Variants in SOX6 observed in about 807,000 individuals in gnomAD.
The protein encoded by SOX6 is transcription factor SOX-6.
In SOX6, 11 loss-of-function variants were observed where a neutral mutation model predicts 97.8. The ratio of observed to expected loss-of-function variants is 0.11; its 90% CI spans 0.07 to 0.19. SOX6 has a LOEUF of 0.19. Among genes scored for constraint, SOX6 ranks in the 10% least tolerant of loss-of-function variants. The pLI, the probability that SOX6 is intolerant of heterozygous loss-of-function variation, is 1.00. For missense variants in SOX6, 810 were observed against 1,039.5 expected, an observed-to-expected ratio of 0.78 and a Z score of 3.04; for synonymous variants, 360 against 371.4, an observed-to-expected ratio of 0.97 and a Z score of 0.35.
At chr11:16,293,811 A>G (rs1854986675) in intron 3 of SOX6, among the ~76,000 whole-genome samples, 1 of 152,042 alleles carries the variant, frequency 6.6e-6, no homozygotes, top group Admixed American at 6.6e-5. Flanking sequence ...TATTTCTCAT[A>G]TCCAAGATTA....
At chr11:16,519,979 T>G (rs1271559832) in intron 4 of SOX6, among the ~76,000 whole-genome samples, 1 of 152,252 alleles carries the variant, frequency 6.6e-6, no homozygotes, top group Non-Finnish European at 1.5e-5. Context: ...ATGTATTTTT[T>G]GGCCACTTAC....
chr11:16,726,332 G>A (rs964499905), intron 2 of SOX6, among the ~76,000 whole-genome samples: 7 of 152,166 alleles, frequency 4.6e-5, no homozygotes, highest in South Asian at 2.1e-4. Flanking sequence ...CACAAGAATC[G>A]CTTGAACCCA....
intron 9 of SOX6, among the ~76,000 whole-genome samples, chr11:16,070,557 C>A (rs1848199399): frequency 6.6e-6 from 1 of 152,090 alleles, no homozygotes; most frequent in Non-Finnish European, 1.5e-5. Context: ...AGATGGTAGA[C>A]TAGAAGCAGC....
intron 3 of SOX6, among the ~76,000 whole-genome samples, chr11:16,677,897 G>A (rs1164324711): frequency 6.6e-6 from 1 of 152,088 alleles, no homozygotes. Flanking sequence ...AGATACTAAG[G>A]TTATTCATTT....
In SOX6 at chr11:16,371,675, A is replaced by T. The variant is rs1272347788; in HGVS notation, c.-4-30423T>A. Reference sequence around the variant, plus strand: ...TATGTGTACATAGACACATTATGTGATACATGTTGCATATGTATAAATACT... The same window carrying T: ...TATGTGTACATAGACACATTATGTGTTACATGTTGCATATGTATAAATACT... On this transcript the variant is annotated intron_variant, in intron 1 of 15. Coordinates refer to the SOX6 transcript ENST00000396356. 2.0e-5 allele frequency among the ~76,000 whole-genome samples: 3 copies of T among 152,266 alleles called. No homozygotes were observed. The East Asian group carries it at 5.8e-4, about 29-fold the overall frequency.
intron 3 of SOX6, among the ~76,000 whole-genome samples, chr11:16,658,399 G>A (rs1316857703): frequency 6.6e-6 from 1 of 152,080 alleles, no homozygotes; most frequent in East Asian, 1.9e-4. Context: ...ATCCTTTGTT[G>A]GTGATATGTA....
At chr11:16,152,211 A>G (rs1850477643) in intron 6 of SOX6, among the ~76,000 whole-genome samples, 1 of 152,188 alleles carries the variant, frequency 6.6e-6, no homozygotes, top group African/African-American at 2.4e-5. Context: ...ACAACCTTAA[A>G]TAGTCACTTT....
chr11:16,046,787 G>T, intron 11 of SOX6, 86 bp from the exon 12 acceptor site: 1 of 1,344,370 alleles, frequency 7.4e-7, no homozygotes, highest in Non-Finnish European at 1.0e-6. Context: ...GTAGAAAGCT[G>T]CATTCTCTGA....
chr11:16,394,704 C>T (rs1346555894), intron 1 of SOX6, among the ~76,000 whole-genome samples: 2 of 151,750 alleles, frequency 1.3e-5, no homozygotes, highest in Non-Finnish European at 2.9e-5. Flanking sequence ...TCCATGTGGT[C>T]TCATGGCTTT....
chr11:16,325,255 A>G (rs1856050682), intron 2 of SOX6, among the ~76,000 whole-genome samples: 1 of 152,172 alleles, frequency 6.6e-6, no homozygotes, highest in Non-Finnish European at 1.5e-5. Context: ...AATGAAAAAA[A>G]GCATATACTG....
At chr11:16,391,113 G>A (rs1234385045) in intron 1 of SOX6, among the ~76,000 whole-genome samples, 2 of 152,140 alleles carry the variant, frequency 1.3e-5, no homozygotes, top group African/African-American at 2.4e-5. Context: ...AACACCACAT[G>A]TTCTCACTCA....
intron 6 of SOX6, among the ~76,000 whole-genome samples, chr11:16,150,339 T>G (rs1440054390): frequency 6.6e-6 from 1 of 152,110 alleles, no homozygotes; most frequent in African/African-American, 2.4e-5. Context: ...TTAGCACAAA[T>G]AGAAATGGCC....
At chr11:15,995,348 A>C (rs971252385) in intron 13 of SOX6, among the ~76,000 whole-genome samples, 1 of 152,136 alleles carries the variant, frequency 6.6e-6, no homozygotes, top group Non-Finnish European at 1.5e-5. Flanking sequence ...ACAAAATTAA[A>C]AAAGACTCTC....
At chr11:16,735,765 A>G (rs965035956) in intron 2 of SOX6, among the ~76,000 whole-genome samples, 3 of 152,226 alleles carry the variant, frequency 2.0e-5, no homozygotes, top group Non-Finnish European at 2.9e-5. Flanking sequence ...AGCACCTAGC[A>G]AAGTATATGG....
chr11:15,987,372 G>C (rs930103328), intron 14 of SOX6, among the ~76,000 whole-genome samples: 1 of 152,266 alleles, frequency 6.6e-6, no homozygotes, highest in East Asian at 1.9e-4. Context: ...TTCAAAAGTT[G>C]TGTAGAAGGC....
chr11:16,014,878 T>C (rs549912085), intron 13 of SOX6, 64 bp downstream of exon 13: 5 of 1,448,670 alleles, frequency 3.5e-6, no homozygotes, highest in Non-Finnish European at 4.8e-6. Context: ...ATCCTATATC[T>C]AGCTCAGACA....
At chr11:16,677,882 T>C (rs140074888) in intron 3 of SOX6, among the ~76,000 whole-genome samples, 17 of 152,352 alleles carry the variant, frequency 1.1e-4, no homozygotes, top group African/African-American at 2.2e-4. Flanking sequence ...CTTTAATGAA[T>C]ATATAGATAC....
intron 1 of SOX6, among the ~76,000 whole-genome samples, chr11:16,396,388 A>T (rs552422392): frequency 6.6e-6 from 1 of 151,744 alleles, no homozygotes; most frequent in Non-Finnish European, 1.5e-5. Flanking sequence ...TATACTGTGT[A>T]TTTTCACAAA....
At chr11:16,682,437 G>A (rs765285417) in intron 3 of SOX6, among the ~76,000 whole-genome samples, 15 of 152,142 alleles carry the variant, frequency 9.9e-5, no homozygotes, top group Non-Finnish European at 2.1e-4. Flanking sequence ...TTCAACATAC[G>A]CAAATCAATA....
Sources: gnomAD v4.1 joint callset for allele counts (sites outside exome capture counted in the v4.1 genomes callset) on GRCh38, gnomAD v4.1.1 for gene constraint, MANE v1.5 for transcripts, NCBI Gene and HGNC (gene_info 2026-07-23, HGNC 2026-07-21) for gene names.